TENT4A: variants seen among roughly 807,000 people sequenced by gnomAD.
TENT4A encodes the protein DNA polymerase kappa.
Under a neutral mutation model 72.8 loss-of-function variants are expected in TENT4A, and 7 were observed. The ratio of observed to expected loss-of-function variants is 0.10; its 90% CI spans 0.05 to 0.18. The LOEUF is 0.18. TENT4A is among the 10% of genes least tolerant of loss of function. The pLI is 1.00. For synonymous variants in TENT4A, 456 were observed against 434.3 expected (o/e 1.05, Z -0.62); for missense variants, 831 against 1,017.7 (o/e 0.82, Z 2.50).
intron 1 of TENT4A, among the ~76,000 whole-genome samples, chr5:6,733,785 T>C (rs1280246095): frequency 6.6e-6 from 1 of 152,208 alleles, no homozygotes; most frequent in East Asian, 1.9e-4. Flanking sequence ...ATGTTGTAGT[T>C]TGCGCTGGCG....
intron 6 of TENT4A, 156 bp from the exon 7 acceptor site, chr5:6,746,058 C>T: frequency 6.7e-7 from 1 of 1,489,954 alleles, no homozygotes; most frequent in Non-Finnish European, 8.9e-7. Context: ...GTTGAAGAGG[C>T]TGCTGTTCAG....
chr5:6,743,477 C>T (rs1323550259), intron 5 of TENT4A, among the ~76,000 whole-genome samples: 1 of 152,160 alleles, frequency 6.6e-6, no homozygotes, highest in Non-Finnish European at 1.5e-5. Context: ...GGTAGGGGTG[C>T]ACCCCTGCTG....
In TENT4A at chr5:6,752,941, A is replaced by G; in HGVS notation, c.2088A>G (p.Glu696=). 6.2e-7 allele frequency: 1 copy of G among 1,614,090 alleles called. No individual in the cohort carries two copies. Among genetic ancestry groups the G allele is most frequent in the Admixed American group, 1.7e-5 (1 of 60,010 alleles). The change falls in exon 12 of 13, where the codon GAA becomes GAG. Residue 696 remains glutamate, a synonymous_variant. Coordinates refer to ENST00000230859, the MANE Select transcript of TENT4A (RefSeq NM_006999.6). ...APVPCRQAGV[E]GTASLKAVHH... ...TTCCTTGCAGACAAGCTGGTGTAGA[A>G]GGAACTGCGTCTTTGAAAGCCGTCC...
chr5:6,753,257 C>G (rs1742513007), intron 12 of TENT4A, among the ~76,000 whole-genome samples: 1 of 152,256 alleles, frequency 6.6e-6, no homozygotes. Flanking sequence ...CCACAAACAT[C>G]TCTTAATTCC....
chr5:6,746,150 G>C, intron 6 of TENT4A, 64 bp from the exon 7 acceptor site: 5 of 1,611,466 alleles, frequency 3.1e-6, no homozygotes, highest in South Asian at 1.1e-5. Flanking sequence ...AGACTTCGTC[G>C]CGTGCTATTT....
chr5:6,743,960 G>T, intron 6 of TENT4A, 120 bp downstream of exon 6: 2 of 857,636 alleles, frequency 2.3e-6, no homozygotes, highest in Non-Finnish European at 3.6e-6. Flanking sequence ...GTTTCAATTT[G>T]GTAGAGGCTG....
chr5:6,724,249 C>T (rs1374769579), intron 1 of TENT4A, among the ~76,000 whole-genome samples: 2 of 152,270 alleles, frequency 1.3e-5, no homozygotes, highest in East Asian at 3.9e-4. Context: ...GAGTGAAGAG[C>T]CACGCAAGAC....
In TENT4A at chr5:6,750,338, G is replaced by A; in HGVS notation, c.1695G>A (p.Arg565=). The change falls in exon 10 of 13, where the codon AGG becomes AGA. Residue 565 remains arginine (R), a synonymous_variant. Transcript: ENST00000230859. ...GGCTTTTTCCCTCCACAGACAGCAG[G>A]ATCAAGATCAAAGAGCGAATAGCCA... ...KAHPSPGMDS[R]IKIKERIATC... 1.2e-6 allele frequency: 2 copies of A among 1,610,304 alleles called. No individual in the cohort carries two copies. Among genetic ancestry groups the A allele is most frequent in the Non-Finnish European group, 8.5e-7 (1 of 1,178,454 alleles).
At position 6,746,433 on chromosome 5, in the gene TENT4A, G is replaced by C; in HGVS notation, c.1459+6G>C. 2 of 1,613,852 alleles carry C rather than the reference G, an allele frequency of 1.2e-6. No individual in the cohort carries two copies. Among genetic ancestry groups the C allele is most frequent in the Non-Finnish European group, 1.7e-6 (2 of 1,179,874 alleles). On this transcript the variant is annotated splice_donor_region_variant and intron_variant, in intron 7 of 12. Coordinates refer to ENST00000230859, the MANE Select transcript of TENT4A (RefSeq NM_006999.6). The stretch of plus-strand genomic sequence containing the variant: ...TGAGGACCCCCTGCTGCCAGGTAAG[G>C]GCGCCCTGATCTCCACTGCTGAGAG...
intron 1 of TENT4A, among the ~76,000 whole-genome samples, chr5:6,727,384 C>T (rs1258209686): frequency 2.0e-5 from 3 of 152,258 alleles, no homozygotes; most frequent in Admixed American, 6.5e-5. Context: ...CACCTGGGCT[C>T]TGCATCCTGA....
intron 1 of TENT4A, among the ~76,000 whole-genome samples, chr5:6,735,409 G>C (rs1741429267): frequency 6.6e-6 from 1 of 152,200 alleles, no homozygotes; most frequent in African/African-American, 2.4e-5. Context: ...CAGTGATAGT[G>C]ACTGGTGAAG....
chr5:6,721,821 T>C (rs1453160072), intron 1 of TENT4A, among the ~76,000 whole-genome samples: 1 of 152,218 alleles, frequency 6.6e-6, no homozygotes, highest in African/African-American at 2.4e-5. Context: ...CTAAATCAGC[T>C]GCCGTGCATA....
intron 1 of TENT4A, among the ~76,000 whole-genome samples, chr5:6,735,662 A>G (rs1741441171): frequency 6.6e-6 from 1 of 151,954 alleles, no homozygotes; most frequent in Admixed American, 6.6e-5. Flanking sequence ...TTGTAGTTTG[A>G]TCAGTTTGGA....
chr5:6,742,220 G>A (rs1301321338), intron 4 of TENT4A, among the ~76,000 whole-genome samples: 1 of 152,100 alleles, frequency 6.6e-6, no homozygotes, highest in Non-Finnish European at 1.5e-5. Context: ...TTCCCTGTTG[G>A]CTCCCTCCCC....
chr5:6,746,166 A>G, intron 6 of TENT4A, 48 bp from the exon 7 acceptor site: 1 of 1,613,500 alleles, frequency 6.2e-7, no homozygotes, highest in Non-Finnish European at 8.5e-7. Context: ...TATTTTCTTT[A>G]GAACATGCCA....
At position 6,714,645 on chromosome 5, in the gene TENT4A, C is replaced by T. The variant is rs1192360373; in HGVS notation, c.662C>T (p.Ala221Val). ...GGAGGGGGCGGCCCCGGGGCCCAGG[C>T]GCCGCGGCCCGGCACCCCGTGGAAG... ...LSGGGGPGAQ[A>V]PRPGTPWKSR... Residue 221 changes from alanine to valine, a missense_variant, in exon 1 of 13, where the codon GCG becomes GTG. Around this residue, in one of 3 missense-constraint regions of TENT4A, gnomAD observed 302 missense variants for 293.8 expected, o/e 1.03. Coordinates refer to ENST00000230859, the MANE Select transcript of TENT4A (RefSeq NM_006999.6). 1.1e-5 allele frequency: 13 copies of T among 1,198,512 alleles called. No homozygotes were observed. In the East Asian group the frequency reaches 3.8e-4, roughly 35 times the overall value. 74.2% of individuals were successfully genotyped at this position (1,198,512 alleles called of 1,614,324 possible).
chr5:6,751,238 G>A (rs1196416973), intron 11 of TENT4A, 41 bp downstream of exon 11: 2 of 1,608,158 alleles, frequency 1.2e-6, no homozygotes, highest in Non-Finnish European at 1.7e-6. Context: ...GTGGCCCCTG[G>A]GAACAGCATC....
intron 6 of TENT4A, among the ~76,000 whole-genome samples, chr5:6,745,132 A>G (rs1158764542): frequency 6.6e-6 from 1 of 152,164 alleles, no homozygotes; most frequent in Non-Finnish European, 1.5e-5. Flanking sequence ...GAGGAGGCCC[A>G]CCCTGGCACC....
intron 3 of TENT4A, 134 bp downstream of exon 3, chr5:6,738,863 ACAGAGGG>A (rs1196879871): frequency 1.4e-6 from 1 of 703,742 alleles, no homozygotes; most frequent in African/African-American, 1.8e-5. Context: ...GACTGTGGTT[ACAGAGGG>A]AAATTGGCAG....
Sources: allele counts gnomAD v4.1 joint callset (sites outside exome capture counted in the v4.1 genomes callset), GRCh38; gene constraint gnomAD v4.1.1; regional missense constraint gnomAD v4.1.1; transcripts MANE v1.5; gene names NCBI Gene and HGNC (gene_info 2026-07-23, HGNC 2026-07-21).